DGKB: variants seen among roughly 807,000 people sequenced by gnomAD.
DGKB encodes the protein 90 kDa diacylglycerol kinase.
A neutral mutation model predicts 114.3 loss-of-function variants in DGKB; 67 were observed. The observed-to-expected ratio is 0.59, with a 90% CI of 0.48 to 0.72. The LOEUF is 0.72. Ranked by LOEUF, DGKB falls within the 30% of genes least tolerant of loss-of-function variation. DGKB has a pLI of 0.00. For missense variants in DGKB, 907 were observed against 975.2 expected (o/e 0.93, Z 0.93); for synonymous variants, 398 against 323.1 (o/e 1.23, Z -2.49).
intron 23 of DGKB, among the ~76,000 whole-genome samples, chr7:14,257,802 C>T (rs1243567645): frequency 6.6e-6 from 1 of 152,172 alleles, no homozygotes; most frequent in African/African-American, 2.4e-5. Context: ...TTTCAGCTGA[C>T]TGCAACCTCC....
At chr7:14,388,915 T>G (rs917235170) in intron 21 of DGKB, among the ~76,000 whole-genome samples, 2 of 152,182 alleles carry the variant, frequency 1.3e-5, no homozygotes, top group Non-Finnish European at 2.9e-5. Context: ...GAATTTCAAG[T>G]GCTGTCCTTT....
At chr7:14,250,112 A>C (rs1795009468) in intron 23 of DGKB, among the ~76,000 whole-genome samples, 1 of 144,486 alleles carries the variant, frequency 6.9e-6, no homozygotes, top group Admixed American at 7.0e-5. Flanking sequence ...GGGCTACCAC[A>C]CTTGGCTATA....
intron 21 of DGKB, among the ~76,000 whole-genome samples, chr7:14,474,684 C>G (rs551169848): frequency 3.4e-4 from 51 of 151,864 alleles, no homozygotes; most frequent in African/African-American, 1.2e-3. Flanking sequence ...AGTCATCTCT[C>G]TAAATAGCAC....
intron 5 of DGKB, among the ~76,000 whole-genome samples, chr7:14,733,778 G>GAAAGA (rs766452135): frequency 0.019 from 2,742 of 144,908 alleles, 46 homozygotes; most frequent in East Asian, 0.053. Flanking sequence ...AGAAAGAAAG[G>GAAAGA]AAGAAAGAAA....
chr7:14,176,831 G>C lies in DGKB; in HGVS notation c.2304+8C>G, dbSNP rs867753238. On this transcript the variant is annotated splice_region_variant and intron_variant, in intron 25 of 25. Transcript: ENST00000402815. Reference sequence around the variant, plus strand: ...ATTGACATAGCATATCAACTACTCTGTACTCACTGTGCATGGGGTCTGCAT... The same window carrying C: ...ATTGACATAGCATATCAACTACTCTCTACTCACTGTGCATGGGGTCTGCAT... The C allele has an allele frequency of 1.2e-6, 2 of 1,613,606 alleles. No homozygotes were observed. The highest frequency in any genetic ancestry group is 2.2e-5 in the South Asian group (2 of 91,072).
rs1341239827 is a variant in DGKB, at chr7:14,411,780, G to C, written c.1835+66381C>G. On this transcript the variant is annotated intron_variant, in intron 21 of 25. Transcript: ENST00000402815. ...CCCCTACCTCTTTCTTTTTTTTCTG[G>C]AAATAATTATAGATACAAAGAAAGC... Among the ~76,000 whole-genome samples the C allele has an allele frequency of 1.9e-4, 2 of 10,696 alleles. 1 individual carries two copies. The allele number at this position is 10,696 out of a possible 152,430, so 7.0% of individuals were successfully genotyped here. A position where few individuals can be genotyped will look rare whatever the true frequency, so the allele number is the denominator to read the frequency against.
intron 23 of DGKB, among the ~76,000 whole-genome samples, chr7:14,200,276 C>CA (rs1229550543): frequency 6.6e-6 from 1 of 151,938 alleles, no homozygotes; most frequent in Non-Finnish European, 1.5e-5. Context: ...ATGAGAGAAT[C>CA]AAAAAATTAC....
intron 23 of DGKB, among the ~76,000 whole-genome samples, chr7:14,301,593 T>C (rs1019361278): frequency 8.5e-5 from 13 of 152,172 alleles, no homozygotes; most frequent in African/African-American, 2.9e-4. Context: ...AAGAACTTGG[T>C]AATTTGGGCC....
chr7:14,243,069 T>G (rs987105127), intron 23 of DGKB, among the ~76,000 whole-genome samples: 30 of 151,848 alleles, frequency 2.0e-4, no homozygotes, highest in African/African-American at 6.0e-4. Flanking sequence ...TAAATGTAAA[T>G]AAATGGAAAA....
At chr7:14,966,826 A>C (rs982695622) in intron 1 of DGKB, among the ~76,000 whole-genome samples, 2 of 152,178 alleles carry the variant, frequency 1.3e-5, no homozygotes, top group Non-Finnish European at 2.9e-5. Context: ...AGAAGGGGCT[A>C]TATATAATTA....
intron 21 of DGKB, among the ~76,000 whole-genome samples, chr7:14,358,247 G>A (rs561844677): frequency 9.2e-5 from 14 of 152,172 alleles, no homozygotes; most frequent in Non-Finnish European, 1.9e-4. Flanking sequence ...TGTAGATTTG[G>A]TCTTTTCACA....
chr7:14,961,964 T>C (rs1302832998), intron 1 of DGKB, among the ~76,000 whole-genome samples: 3 of 152,126 alleles, frequency 2.0e-5, no homozygotes, highest in African/African-American at 7.2e-5. Flanking sequence ...TTAACCATGT[T>C]ATCTATCCAA....
At chr7:14,919,095 A>AACAC (rs3036019) in intron 1 of DGKB, among the ~76,000 whole-genome samples, 3,554 of 114,804 alleles carry the variant, frequency 0.031, 86 homozygotes, top group East Asian at 0.042. Flanking sequence ...CACACACACA[A>AACAC]ACACACACAC....
chr7:14,747,001 G>A (rs374718422), intron 4 of DGKB, among the ~76,000 whole-genome samples: 2 of 151,950 alleles, frequency 1.3e-5, no homozygotes, highest in East Asian at 1.9e-4. Flanking sequence ...ATATAAGAAT[G>A]GAGTAAAAAT....
chr7:14,271,576 C>T (rs896461503), intron 23 of DGKB, among the ~76,000 whole-genome samples: 1 of 152,176 alleles, frequency 6.6e-6, no homozygotes, highest in African/African-American at 2.4e-5. Flanking sequence ...AACTTAGGAT[C>T]CCAGGCAGAC....
chr7:14,460,587 G>T (rs531508318), intron 21 of DGKB, among the ~76,000 whole-genome samples: 1 of 151,876 alleles, frequency 6.6e-6, no homozygotes, highest in East Asian at 1.9e-4. Context: ...CAATACAGGG[G>T]GACGCAGATT....
chr7:14,696,727 A>C (rs1451769285), intron 8 of DGKB, among the ~76,000 whole-genome samples: 1 of 152,126 alleles, frequency 6.6e-6, no homozygotes, highest in African/African-American at 2.4e-5. Context: ...TCAAACAATA[A>C]ATTAAATACA....
At chr7:14,618,059 A>G (rs1428397804) in intron 15 of DGKB, among the ~76,000 whole-genome samples, 3 of 151,598 alleles carry the variant, frequency 2.0e-5, no homozygotes, top group Non-Finnish European at 4.4e-5. Context: ...TAGAATGTCA[A>G]TGAAGTGCTA....
At chr7:14,645,025 G>T (rs996779606) in intron 13 of DGKB, among the ~76,000 whole-genome samples, 1 of 152,122 alleles carries the variant, frequency 6.6e-6, no homozygotes, top group Non-Finnish European at 1.5e-5. Flanking sequence ...ACTGGCATGA[G>T]AACTTCTATC....
Sources: allele counts gnomAD v4.1 joint callset (sites outside exome capture counted in the v4.1 genomes callset), GRCh38; gene constraint gnomAD v4.1.1; transcripts MANE v1.5; gene names NCBI Gene and HGNC (gene_info 2026-07-23, HGNC 2026-07-21).